The following GSTO2 variants were observed in gnomAD, a reference collection of about 807,000 sequenced individuals.
GSTO2 encodes the protein glutathione S-transferase omega-2.
A neutral mutation model predicts 28.4 loss-of-function variants in GSTO2; 23 were observed. The observed-to-expected ratio is 0.81, with a 90% CI of 0.58 to 1.15. The LOEUF (loss-of-function observed/expected upper bound fraction) is 1.15. Among genes scored for constraint, GSTO2 ranks in the 50% most tolerant of loss-of-function variants. The pLI, the probability that GSTO2 is intolerant of heterozygous loss-of-function variation, is 0.00. For synonymous variants in GSTO2, 109 were observed against 111.0 expected, an observed-to-expected ratio of 0.98 and a Z score of 0.11; for missense variants, 298 against 297.8, an observed-to-expected ratio of 1.00 and a Z score of 0.00.
At position 104,299,321 on chromosome 10, in the gene GSTO2, C is replaced by G. The variant is rs2013187181; in HGVS notation, c.*37C>G. On this transcript the variant is annotated 3_prime_UTR_variant, in exon 7 of 7. Transcript: ENST00000338595. ...CACCCCTTCGCTGTCCAGAATTCCC[C>G]AGCTTGTTGGGAGTCTACGTCACGG... The G allele has an allele frequency of 1.2e-6, 2 of 1,611,508 alleles. No individual in the cohort carries two copies. The highest frequency in any genetic ancestry group is 1.7e-6 in the Non-Finnish European group (2 of 1,178,644).
chr10:104,298,196 G>A (rs2013134441), intron 6 of GSTO2, among the ~76,000 whole-genome samples: 1 of 152,254 alleles, frequency 6.6e-6, no homozygotes, highest in East Asian at 1.9e-4. Context: ...TGGAAGTGCA[G>A]GGACATTAAA....
chr10:104,285,288 G>A (rs1468708114), intron 5 of GSTO2, among the ~76,000 whole-genome samples: 1 of 151,934 alleles, frequency 6.6e-6, no homozygotes. Context: ...CTCTTTTAGA[G>A]ATTGGGGTCT....
intron 6 of GSTO2, 77 bp from the exon 7 acceptor site, chr10:104,299,051 A>C: frequency 7.4e-7 from 1 of 1,359,664 alleles, no homozygotes; most frequent in Non-Finnish European, 9.8e-7. Context: ...ATATCTTGCA[A>C]ATCTAAAAAG....
chr10:104,282,897 G>C (rs1302130260), intron 5 of GSTO2, among the ~76,000 whole-genome samples: 1 of 152,194 alleles, frequency 6.6e-6, no homozygotes, highest in African/African-American at 2.4e-5. Flanking sequence ...TGGACCTTTG[G>C]AATGGTTTTA....
intron 5 of GSTO2, among the ~76,000 whole-genome samples, chr10:104,285,116 G>A (rs1049091918): frequency 6.6e-6 from 1 of 152,100 alleles, no homozygotes; most frequent in Non-Finnish European, 1.5e-5. Flanking sequence ...AGAGTTTCCC[G>A]CATTGCCAAA....
intron 3 of GSTO2, 100 bp from the exon 4 acceptor site, chr10:104,277,794 A>T (rs2011728487): frequency 1.3e-6 from 1 of 758,652 alleles, no homozygotes; most frequent in East Asian, 2.6e-5. Flanking sequence ...CTAATTGCAA[A>T]TTTTAACTTT....
At chr10:104,286,760 C>T (rs1449141036) in intron 5 of GSTO2, among the ~76,000 whole-genome samples, 1 of 152,062 alleles carries the variant, frequency 6.6e-6, no homozygotes, top group Non-Finnish European at 1.5e-5. Context: ...CTTTCAATAG[C>T]TTTCTGATAT....
chr10:104,273,304 T>C (rs2011497487), intron 1 of GSTO2, among the ~76,000 whole-genome samples: 1 of 152,238 alleles, frequency 6.6e-6, no homozygotes, highest in African/African-American at 2.4e-5. Context: ...GATTTCTTGC[T>C]GACATATATG....
intron 6 of GSTO2, 23 bp from the exon 7 acceptor site, chr10:104,299,105 G>C (rs765846715): frequency 2.2e-5 from 35 of 1,608,440 alleles, no homozygotes; most frequent in Non-Finnish European, 3.0e-5. Context: ...GCACTGTGCT[G>C]ACGCTTCTTT....
In GSTO2 at chr10:104,302,953, T is replaced by G. The variant is rs2013301593; in HGVS notation, c.*3669T>G. 2 of 152,168 alleles carry G rather than the reference T, an allele frequency of 1.3e-5. No homozygotes were observed. The highest frequency in any genetic ancestry group is 4.8e-5 in the African/African-American group (2 of 41,376). 9.4% of individuals were successfully genotyped at this position (152,168 alleles called of 1,614,324 possible). A position where few individuals can be genotyped will look rare whatever the true frequency, so the allele number is the denominator to read the frequency against. On this transcript the variant is annotated 3_prime_UTR_variant, in exon 7 of 7. Coordinates refer to ENST00000338595, the MANE Select transcript of GSTO2 (RefSeq NM_183239.2). ...CAATTAAACCTCTTTTTAAAAACACTTTTATTTTAAGTTCAGGGGTACATG... is the reference window on the plus strand; with the variant it reads ...CAATTAAACCTCTTTTTAAAAACACGTTTATTTTAAGTTCAGGGGTACATG...
chr10:104,293,893 G>T (rs755527258), intron 5 of GSTO2, among the ~76,000 whole-genome samples: 3 of 152,140 alleles, frequency 2.0e-5, no homozygotes, highest in Non-Finnish European at 4.4e-5. Context: ...AGAGAATTAG[G>T]AAAATGTGAT....
intron 4 of GSTO2, among the ~76,000 whole-genome samples, chr10:104,278,839 A>G (rs2135101093): frequency 6.6e-6 from 1 of 152,344 alleles, no homozygotes; most frequent in East Asian, 1.9e-4. Flanking sequence ...AAGAATAGAT[A>G]AATGGTGGCA....
At chr10:104,273,239 A>T (rs2011495160) in intron 1 of GSTO2, among the ~76,000 whole-genome samples, 1 of 152,094 alleles carries the variant, frequency 6.6e-6, no homozygotes, top group South Asian at 2.1e-4. Context: ...TGTCTTCTTA[A>T]ATGAAAAGTT....
At chr10:104,287,545 A>T (rs2012506736) in intron 5 of GSTO2, among the ~76,000 whole-genome samples, 1 of 152,230 alleles carries the variant, frequency 6.6e-6, no homozygotes, top group South Asian at 2.1e-4. Context: ...ATGTGTACTG[A>T]CATTAAAAGA....
intron 5 of GSTO2, among the ~76,000 whole-genome samples, chr10:104,286,223 A>G (rs972413665): frequency 1.3e-5 from 2 of 152,124 alleles, no homozygotes; most frequent in African/African-American, 4.8e-5. Flanking sequence ...ATCATCCCCC[A>G]GAAAAACTGC....
intron 5 of GSTO2, among the ~76,000 whole-genome samples, chr10:104,293,018 AACTATT>A (rs1803081644): frequency 6.6e-6 from 1 of 152,228 alleles, no homozygotes; most frequent in South Asian, 2.1e-4. Flanking sequence ...TACAAGAAAG[AACTATT>A]TTAGTAAAGT....
chr10:104,272,688 A>T (rs1183743400), intron 1 of GSTO2, among the ~76,000 whole-genome samples: 1 of 132,062 alleles, frequency 7.6e-6, no homozygotes. Flanking sequence ...GTCTCGGCTC[A>T]CAGCAAGCTC....
chr10:104,271,877 A>G (rs995193872), intron 1 of GSTO2, among the ~76,000 whole-genome samples: 1 of 152,276 alleles, frequency 6.6e-6, no homozygotes, highest in Non-Finnish European at 1.5e-5. Context: ...CATTATCCAG[A>G]GACCATGGAT....
At chr10:104,293,176 T>C (rs2012856527) in intron 5 of GSTO2, among the ~76,000 whole-genome samples, 1 of 152,118 alleles carries the variant, frequency 6.6e-6, no homozygotes, top group African/African-American at 2.4e-5. Context: ...CATGAAAAGG[T>C]GAGACTAAGG....
Sources: allele counts gnomAD v4.1 joint callset (sites outside exome capture counted in the v4.1 genomes callset), GRCh38; gene constraint gnomAD v4.1.1; transcripts MANE v1.5; gene names NCBI Gene and HGNC (gene_info 2026-07-23, HGNC 2026-07-21).